Variants in SHMT2 observed in about 807,000 individuals in gnomAD.
The protein encoded by SHMT2 is serine hydroxymethyltransferase, mitochondrial.
SHMT2 carries 38 observed loss-of-function variants against 59.6 expected under a neutral mutation model. That is an observed-to-expected ratio of 0.64 (90% CI 0.49 to 0.84). The LOEUF is 0.84. SHMT2 is among the 40% of genes least tolerant of loss of function. The pLI is 0.00. For synonymous variants in SHMT2, 254 were observed against 258.1 expected (o/e 0.98, Z 0.15); for missense variants, 533 against 659.5 (o/e 0.81, Z 2.10).
In SHMT2 at chr12:57,233,199, C is replaced by T. The variant is rs779456642; in HGVS notation, c.877C>T (p.Arg293Trp). ...RGARSGLIFYRKGVKAVDPKT... is the reference protein window; with the variant it reads ...RGARSGLIFYWKGVKAVDPKT... ...ACACAGGTCAGGGCTCATCTTCTAC[C>T]GGAAAGGGGTGAAGGCTGTGGACCC... The change falls in exon 8 of 12, where the codon CGG becomes TGG. Residue 293 changes from arginine to tryptophan, a missense_variant. By Grantham distance (101) the Arg-to-Trp change is moderately radical (BLOSUM62 -3). Coordinates refer to ENST00000328923, the MANE Select transcript of SHMT2 (RefSeq NM_005412.6). 15 of 1,571,402 alleles carry T rather than the reference C, an allele frequency of 9.5e-6. No homozygotes were observed. Among genetic ancestry groups the T allele is most frequent in the Admixed American group, 3.8e-5 (2 of 52,714 alleles).
chr12:57,232,561 G>A lies in SHMT2; in HGVS notation c.703G>A (p.Ala235Thr), dbSNP rs775639509. ...TSAYARLIDYARMREVCDEVK... is the reference protein window; with the variant it reads ...TSAYARLIDYTRMREVCDEVK... ...CGCCTATGCTCGCCTCATTGACTAC[G>A]CCCGCATGAGAGAGGTTGGTGGGGG... Residue 235 changes from alanine (A) to threonine (T), a missense_variant, in exon 6 of 12, where the codon GCC (alanine) becomes ACC (threonine). Ala to Thr is a moderately conservative substitution (Grantham distance 58). Coordinates refer to ENST00000328923, the MANE Select transcript of SHMT2 (RefSeq NM_005412.6). The A allele has an allele frequency of 3.1e-6, 5 of 1,614,150 alleles. No individual in the cohort carries two copies. The highest frequency in any genetic ancestry group is 4.5e-5 in the East Asian group (2 of 44,878).
rs528962387 is a variant in SHMT2, at chr12:57,230,687, A to C, written c.34-116A>C. On this transcript the variant is annotated intron_variant, in intron 1 of 11. Coordinates refer to ENST00000328923, the MANE Select transcript of SHMT2 (RefSeq NM_005412.6). ...TGGAGGTGGGGGTAGTGAGAACTGA[A>C]ACAGGCTGGCTGGACAACTGGCAGC... The C allele has an allele frequency of 2.0e-6, 3 of 1,491,826 alleles. No homozygotes were observed. In the African/African-American group the frequency reaches 4.2e-5, roughly 21 times the overall value. The allele number at this position is 1,491,826 out of a possible 1,614,324, so 92.4% of individuals were successfully genotyped here.
chr12:57,230,079 A>G, intron 1 of SHMT2: 1 of 1,381,070 alleles, frequency 7.2e-7, no homozygotes, highest in Non-Finnish European at 9.4e-7. Context: ...ACAGCCCCGG[A>G]TGCCCCGCGG....
chr12:57,231,976 T>G, intron 4 of SHMT2, 63 bp downstream of exon 4: 2 of 1,500,652 alleles, frequency 1.3e-6, no homozygotes, highest in Non-Finnish European at 1.8e-6. Context: ...AGGAGTTATT[T>G]ATTGAATACC....
chr12:57,232,579 G>T lies in SHMT2; in HGVS notation c.717+4G>T. 1 of 1,614,110 alleles carries T rather than the reference G, an allele frequency of 6.2e-7. No homozygotes were observed. The highest frequency in any genetic ancestry group is 1.1e-5 in the South Asian group (1 of 91,082). On this transcript the variant is annotated splice_donor_region_variant and intron_variant, in intron 6 of 11. Transcript: ENST00000328923. Reference sequence around the variant, plus strand: ...TGACTACGCCCGCATGAGAGAGGTTGGTGGGGGGGGCTGGAGACTGGGCAC... The same window carrying T: ...TGACTACGCCCGCATGAGAGAGGTTTGTGGGGGGGGCTGGAGACTGGGCAC...
Position 57,232,778 on chromosome 12 carries a change from T to A in SHMT2, c.792T>A (p.Ile264=), listed in dbSNP as rs994115895. The A allele has an allele frequency of 1.9e-6, 3 of 1,613,516 alleles. No homozygotes were observed. The highest frequency in any genetic ancestry group is 1.7e-5 in the Admixed American group (1 of 59,986). Residue 264 remains isoleucine, a synonymous_variant, in exon 7 of 12, where the codon ATT becomes ATA. Transcript: ENST00000328923. ...HISGLVAAKV[I]PSPFKHADIV... is the part of the protein sequence containing the mutation. ...GTGGCCTGGTGGCTGCCAAGGTGATTCCCTCGCCTTTCAAGCACGCGGACA... is the reference window on the plus strand; with the variant it reads ...GTGGCCTGGTGGCTGCCAAGGTGATACCCTCGCCTTTCAAGCACGCGGACA...
Position 57,231,293 on chromosome 12 carries a change from G to A in SHMT2, c.232-188G>A, listed in dbSNP as rs76110172. On this transcript the variant is annotated intron_variant, in intron 2 of 11. Transcript: ENST00000328923. ...TTTGAGTGGGTAGGTGGCATTGAGG[G>A]GCCACTGCTCATGGCAGATGGGTTT... 2.1e-3 allele frequency: 1,400 copies of A among 651,354 alleles called. 29 individuals are homozygous for A. In the East Asian group the frequency reaches 0.031, roughly 14 times the overall value. 40.3% of individuals were successfully genotyped at this position (651,354 alleles called of 1,614,324 possible). A position where few individuals can be genotyped will look rare whatever the true frequency, so the allele number is the denominator to read the frequency against.
intron 11 of SHMT2, 33 bp downstream of exon 11, chr12:57,234,143 A>T (rs1186650666): frequency 6.2e-7 from 1 of 1,613,678 alleles, no homozygotes; most frequent in Admixed American, 1.7e-5. Flanking sequence ...CGGGCCAGCC[A>T]GTTCCCACTC....
chr12:57,233,291 G>A lies in SHMT2; in HGVS notation c.969G>A (p.Leu323=), dbSNP rs2229717. The part of the protein sequence containing the change: ...DRINFAVFPS[L]QGGPHNHAIA... ...TCAACTTTGCCGTGTTCCCATCCCT[G>A]CAGGGGGGCCCCCACAATCATGCCA... Residue 323 remains leucine (L), a synonymous_variant, in exon 8 of 12, where the codon CTG becomes CTA. Coordinates refer to ENST00000328923, the MANE Select transcript of SHMT2 (RefSeq NM_005412.6). 10 of 1,602,960 alleles carry A rather than the reference G, an allele frequency of 6.2e-6. No homozygotes were observed. The highest frequency in any genetic ancestry group is 8.5e-6 in the Non-Finnish European group (10 of 1,175,500).
intron 1 of SHMT2, chr12:57,230,518 G>C: frequency 7.7e-7 from 1 of 1,303,254 alleles, no homozygotes. Flanking sequence ...GGGAGACATA[G>C]GCTTTTGGAG....
At position 57,233,604 on chromosome 12, in the gene SHMT2, G is replaced by A. The variant is rs745559339; in HGVS notation, c.1065G>A (p.Leu355=). 5.6e-6 allele frequency: 9 copies of A among 1,614,014 alleles called. No homozygotes were observed. The highest frequency in any genetic ancestry group is 1.3e-5 in the African/African-American group (1 of 74,936). Residue 355 remains leucine (L), a synonymous_variant, in exon 9 of 12, where the codon CTG becomes CTA. Transcript: ENST00000328923. ...PMFREYSLQV[L]KNARAMADAL... is the part of the protein sequence containing the mutation. ...TCCGGGAGTACTCCCTGCAGGTTCTGAAGAATGCTCGGGCCATGGCAGATG... is the reference window on the plus strand; with the variant it reads ...TCCGGGAGTACTCCCTGCAGGTTCTAAAGAATGCTCGGGCCATGGCAGATG...
chr12:57,230,512 G>A (rs1346081124), intron 1 of SHMT2: 4 of 1,291,644 alleles, frequency 3.1e-6, no homozygotes, highest in Non-Finnish European at 4.0e-6. Context: ...GAGTTGGGGA[G>A]ACATAGGCTT....
At chr12:57,230,561 G>C in intron 1 of SHMT2, 1 of 1,391,978 alleles carries the variant, frequency 7.2e-7, no homozygotes, top group Non-Finnish European at 9.3e-7. Flanking sequence ...ATGGAGTGAG[G>C]TGGTGGGAGA....
intron 2 of SHMT2, 160 bp downstream of exon 2, chr12:57,231,160 T>C (rs1180978913): frequency 1.3e-6 from 1 of 746,088 alleles, no homozygotes; most frequent in African/African-American, 1.8e-5. Context: ...GCAGTGCAAG[T>C]CCAGTTTATG....
At chr12:57,232,916 C>A in intron 7 of SHMT2, 73 bp downstream of exon 7, 1 of 1,550,478 alleles carries the variant, frequency 6.4e-7, no homozygotes, top group Admixed American at 1.8e-5. Context: ...TTGGCCTGGA[C>A]CTGAGAGGAA....
chr12:57,230,338 A>C, intron 1 of SHMT2: 1 of 1,140,448 alleles, frequency 8.8e-7, no homozygotes. Flanking sequence ...ACGGACTGCT[A>C]AAGGTCTCCC....
At chr12:57,232,137 CTGTGGAGT>C (rs1366928152) in intron 4 of SHMT2, 66 bp from the exon 5 acceptor site, 4 of 1,355,296 alleles carry the variant, frequency 3.0e-6, no homozygotes, top group African/African-American at 2.9e-5. Flanking sequence ...GGACAGAGAA[CTGTGGAGT>C]TGAAGGGAGT....
rs138150964 is a variant in SHMT2 at position 57,231,848 on chromosome 12, C to T, written c.447C>T (p.Ala149=). 44 of 1,614,056 alleles carry T rather than the reference C, an allele frequency of 2.7e-5. No homozygotes were observed. The Admixed American group carries it at 3.7e-4, about 13-fold the overall frequency. ...QPYSGSPANL[A]VYTALLQPHD... is the part of the protein sequence containing the mutation. ...ACTCCGGGTCCCCAGCCAACCTGGC[C>T]GTCTACACAGCCCTTCTGCAACCTC... Residue 149 remains alanine (A), a synonymous_variant, in exon 4 of 12, where the codon GCC becomes GCT. Coordinates refer to ENST00000328923, the MANE Select transcript of SHMT2 (RefSeq NM_005412.6).
Position 57,233,794 on chromosome 12 carries a change from G to A in SHMT2, c.1169G>A (p.Gly390Asp). 1 of 1,614,216 alleles carries A rather than the reference G, an allele frequency of 6.2e-7. No homozygotes were observed. Among genetic ancestry groups the A allele is most frequent in the Non-Finnish European group, 8.5e-7 (1 of 1,180,018 alleles). ...GTGCTGGTGGACCTGCGGCCCAAGG[G>A]CCTGGATGGAGCTCGGGCTGAGCGG... ...HLVLVDLRPK[G>D]LDGARAERVL... The change falls in exon 10 of 12, where the codon GGC becomes GAC. Residue 390 changes from glycine (G) to aspartate (D), a missense_variant. Gly to Asp is a moderately conservative substitution (Grantham distance 94, BLOSUM62 -1). Transcript: ENST00000328923.
Sources: allele counts gnomAD v4.1 joint callset, GRCh38; gene constraint gnomAD v4.1.1; transcripts MANE v1.5; gene names NCBI Gene and HGNC (gene_info 2026-07-23, HGNC 2026-07-21).